ATP2C2: variants seen among roughly 807,000 people sequenced by gnomAD.
ATP2C2 encodes the protein calcium-transporting ATPase type 2C member 2.
In ATP2C2, 171 loss-of-function variants were observed where a neutral mutation model predicts 110.8. The observed-to-expected ratio is 1.54, with a 90% CI of 1.36 to 1.75. ATP2C2 has a LOEUF of 1.75. Among genes scored for constraint, ATP2C2 ranks in the 40% most tolerant of loss-of-function variants. The pLI is 0.00. For synonymous variants in ATP2C2, 804 were observed against 508.4 expected (o/e 1.58, Z -7.82); for missense variants, 1,963 against 1,235.0 (o/e 1.59, Z -8.84).
intron 1 of ATP2C2, among the ~76,000 whole-genome samples, chr16:84,374,971 A>C (rs535353400): frequency 6.6e-6 from 1 of 152,360 alleles, no homozygotes; most frequent in African/African-American, 2.4e-5. Context: ...TGTCCAAGTC[A>C]GATGTTGAGA....
chr16:84,459,529 G>T, intron 23 of ATP2C2, 143 bp downstream of exon 23: 1 of 1,550,948 alleles, frequency 6.4e-7, no homozygotes, highest in Non-Finnish European at 8.7e-7. Flanking sequence ...ACTGAAGTGT[G>T]TTGCACTGCA....
rs557318842 is a variant in ATP2C2, at chr16:84,405,171, G to T, written c.254G>T (p.Arg85Leu). The T allele has an allele frequency of 6.2e-7, 1 of 1,613,778 alleles. No individual in the cohort carries two copies. The highest frequency in any genetic ancestry group is 1.1e-5 in the South Asian group (1 of 91,048). ...TGLSEFSVTQ[R>L]RLAHGWNEFV... ...CTGTCGGAGTTCTCGGTGACGCAGCGCCGGCTGGCCCATGGCTGGAATGAG... is the reference window on the plus strand; with the variant it reads ...CTGTCGGAGTTCTCGGTGACGCAGCTCCGGCTGGCCCATGGCTGGAATGAG... The change falls in exon 3 of 27, where the codon CGC becomes CTC. Residue 85 changes from arginine (R) to leucine (L), a missense_variant. Coordinates refer to ENST00000262429, the MANE Select transcript of ATP2C2 (RefSeq NM_014861.4).
intron 1 of ATP2C2, among the ~76,000 whole-genome samples, chr16:84,372,726 T>G (rs1463208640): frequency 6.6e-6 from 1 of 151,612 alleles, no homozygotes; most frequent in Non-Finnish European, 1.5e-5. Context: ...ACCTGGCCAG[T>G]GTTGTCTTAA....
At chr16:84,381,451 C>T (rs1043931740) in intron 1 of ATP2C2, among the ~76,000 whole-genome samples, 2 of 152,034 alleles carry the variant, frequency 1.3e-5, no homozygotes, top group African/African-American at 2.4e-5. Context: ...GTGACATGAG[C>T]CTGTAATCCC....
At chr16:84,418,783 T>A (rs899828496) in intron 7 of ATP2C2, among the ~76,000 whole-genome samples, 2 of 152,194 alleles carry the variant, frequency 1.3e-5, no homozygotes, top group African/African-American at 4.8e-5. Context: ...CCCCTGAGTT[T>A]CCTCCATGTA....
chr16:84,425,785 T>C lies in ATP2C2; in HGVS notation c.970T>C (p.Phe324Leu). ...WSQGKQLLSM[F>L]TIGVSLAVAA... is the part of the protein sequence containing the mutation. ...GCAAGGGAAACAACTCCTGAGTATG[T>C]TCACGATCGGGGTCAGGTAAGAGTG... Residue 324 changes from phenylalanine to leucine, a missense_variant, in exon 11 of 27, where the codon TTC becomes CTC. By Grantham distance (22) the Phe-to-Leu change is conservative. Coordinates refer to ENST00000262429, the MANE Select transcript of ATP2C2 (RefSeq NM_014861.4). 1.9e-6 allele frequency: 3 copies of C among 1,614,154 alleles called. No homozygotes were observed. The highest frequency in any genetic ancestry group is 2.5e-6 in the Non-Finnish European group (3 of 1,180,036).
At chr16:84,423,747 C>T (rs1212716994) in intron 10 of ATP2C2, among the ~76,000 whole-genome samples, 1 of 152,168 alleles carries the variant, frequency 6.6e-6, no homozygotes, top group East Asian at 1.9e-4. Context: ...CTTTTATTGG[C>T]CAGAATGGAG....
chr16:84,385,149 C>G (rs1409662456), intron 1 of ATP2C2, among the ~76,000 whole-genome samples: 1 of 152,146 alleles, frequency 6.6e-6, no homozygotes, highest in East Asian at 1.9e-4. Context: ...ACAGGAAGCA[C>G]AGTGGCTTCT....
At chr16:84,408,208 G>T (rs1437737962) in intron 3 of ATP2C2, among the ~76,000 whole-genome samples, 197 bp from the exon 4 acceptor site, 1 of 152,180 alleles carries the variant, frequency 6.6e-6, no homozygotes, top group Admixed American at 6.5e-5. Context: ...GGACCTGGGA[G>T]GGTCAATTGG....
In ATP2C2 at chr16:84,423,055, A is replaced by G. The variant is rs752430512; in HGVS notation, c.844-133A>G. ...GCACAGGTCTTCAGTGCAAAAGTCA[A>G]TGAATGTTGACATATGTGTACCCCT... is the stretch of plus-strand genomic sequence containing the variant. On this transcript the variant is annotated intron_variant, in intron 9 of 26. Coordinates refer to ENST00000262429, the MANE Select transcript of ATP2C2 (RefSeq NM_014861.4). 16 of 725,054 alleles carry G rather than the reference A, an allele frequency of 2.2e-5. No individual in the cohort carries two copies. In the East Asian group the frequency reaches 3.1e-4, roughly 14 times the overall value. The allele number at this position is 725,054 out of a possible 1,614,324, so 44.9% of individuals were successfully genotyped here. A position where few individuals can be genotyped will look rare whatever the true frequency, so the allele number is the denominator to read the frequency against.
intron 16 of ATP2C2, among the ~76,000 whole-genome samples, chr16:84,446,739 G>C (rs945976983): frequency 6.6e-5 from 10 of 152,152 alleles, no homozygotes; most frequent in Admixed American, 6.6e-4. Context: ...GGGTCCAGGG[G>C]TGGGACCCAG....
At chr16:84,417,267 G>T (rs543661353) in intron 7 of ATP2C2, among the ~76,000 whole-genome samples, 8 of 152,278 alleles carry the variant, frequency 5.3e-5, no homozygotes, top group African/African-American at 1.9e-4. Context: ...CCGTACTGCA[G>T]TGTGTGTTGG....
intron 1 of ATP2C2, among the ~76,000 whole-genome samples, chr16:84,396,729 G>C (rs1219736527): frequency 1.3e-5 from 2 of 151,660 alleles, no homozygotes; most frequent in Non-Finnish European, 2.9e-5. Context: ...CTTGAGAATG[G>C]GGGGAAAAGT....
chr16:84,436,485 G>A (rs374868051), intron 11 of ATP2C2, among the ~76,000 whole-genome samples: 4 of 152,178 alleles, frequency 2.6e-5, no homozygotes, highest in African/African-American at 9.7e-5. Flanking sequence ...CTGTGGGTGG[G>A]TTGCAGGTGT....
intron 1 of ATP2C2, among the ~76,000 whole-genome samples, chr16:84,388,725 A>C (rs1904469018): frequency 6.6e-6 from 1 of 152,216 alleles, no homozygotes; most frequent in Non-Finnish European, 1.5e-5. Flanking sequence ...CATCGATCCC[A>C]ATAATTACGT....
chr16:84,381,151 T>C (rs1471426783), intron 1 of ATP2C2, among the ~76,000 whole-genome samples: 4 of 152,172 alleles, frequency 2.6e-5, no homozygotes, highest in Non-Finnish European at 5.9e-5. Context: ...GGTTTGGGGA[T>C]AGGCGGTGAA....
chr16:84,387,494 A>G (rs1597741060), intron 1 of ATP2C2, among the ~76,000 whole-genome samples: 1 of 152,202 alleles, frequency 6.6e-6, no homozygotes, highest in South Asian at 2.1e-4. Flanking sequence ...CCTGGGCGAC[A>G]GAGTGAGACT....
At chr16:84,452,212 G>C in intron 18 of ATP2C2, 121 bp downstream of exon 18, 2 of 1,231,724 alleles carry the variant, frequency 1.6e-6, no homozygotes, top group Non-Finnish European at 2.2e-6. Context: ...TAGCCCTACA[G>C]GCTTAGAAAA....
chr16:84,427,550 C>T (rs1274722201), intron 11 of ATP2C2, among the ~76,000 whole-genome samples: 1 of 152,110 alleles, frequency 6.6e-6, no homozygotes, highest in East Asian at 1.9e-4. Context: ...AACCCTGTCT[C>T]TACTAAAAAT....
Sources: allele counts gnomAD v4.1 joint callset (sites outside exome capture counted in the v4.1 genomes callset), GRCh38; gene constraint gnomAD v4.1.1; transcripts MANE v1.5; gene names NCBI Gene and HGNC (gene_info 2026-07-23, HGNC 2026-07-21).